The following AGAP1 variants were observed in gnomAD, a reference collection of about 807,000 sequenced individuals.
AGAP1 encodes arf-GAP with GTPase, ANK repeat and PH domain-containing protein 1.
Under a neutral mutation model 105.3 loss-of-function variants are expected in AGAP1, and 29 were observed. The observed-to-expected ratio is 0.28, with a 90% CI of 0.21 to 0.38. The LOEUF is 0.38. AGAP1 is among the 10% of genes least tolerant of loss of function. AGAP1 has a pLI of 1.00. For synonymous variants in AGAP1, 509 were observed against 485.9 expected (o/e 1.05, Z -0.63); for missense variants, 998 against 1,165.1 (o/e 0.86, Z 2.09).
Position 235,789,014 on chromosome 2 carries a change from C to T in AGAP1, c.674-8745C>T, listed in dbSNP as rs950394328. Among the ~76,000 whole-genome samples the T allele has an allele frequency of 2.0e-5, 3 of 152,142 alleles. No individual in the cohort carries two copies. Among genetic ancestry groups the T allele is most frequent in the Non-Finnish European group, 2.9e-5 (2 of 68,018 alleles). On this transcript the variant is annotated intron_variant, in intron 6 of 17. Coordinates refer to ENST00000304032, the MANE Select transcript of AGAP1 (RefSeq NM_001037131.3). This position sits in a 1 kb window ranked among gnomAD's most constrained non-coding sequence, Gnocchi z 4.2. ...ACATTCCTGATTTTTGGCAGCTCGA[C>T]TTTGGGATTAAATGTTAAGGAACTA...
intron 1 of AGAP1, among the ~76,000 whole-genome samples, chr2:235,592,717 G>A (rs1295171900): frequency 2.0e-5 from 3 of 152,164 alleles, no homozygotes; most frequent in African/African-American, 7.2e-5. Flanking sequence ...GCGCATCTTA[G>A]TTATGGTGTC....
intron 1 of AGAP1, among the ~76,000 whole-genome samples, chr2:235,629,863 C>A (rs1011080955): frequency 0.011 from 1,058 of 94,930 alleles, no homozygotes; most frequent in East Asian, 0.023. Flanking sequence ...GACCCTGTCT[C>A]AAAAAAAAAA....
chr2:235,572,178 C>A (rs1315964806), intron 1 of AGAP1, among the ~76,000 whole-genome samples: 1 of 151,656 alleles, frequency 6.6e-6, no homozygotes, highest in Non-Finnish European at 1.5e-5. Flanking sequence ...TACCAGGTGG[C>A]ATTACTGAGA....
intron 9 of AGAP1, among the ~76,000 whole-genome samples, chr2:235,814,631 A>C (rs1958346813): frequency 6.6e-6 from 1 of 152,128 alleles, no homozygotes; most frequent in Non-Finnish European, 1.5e-5. Context: ...CCCCAATGCA[A>C]GTGGACGGGT....
At chr2:235,693,319 CG>C (rs913546318) in intron 1 of AGAP1, among the ~76,000 whole-genome samples, 4 of 152,074 alleles carry the variant, frequency 2.6e-5, no homozygotes, top group African/African-American at 9.7e-5. Flanking sequence ...CAAGTAGGCA[CG>C]GGGGCTGGGC....
At position 235,930,404 on chromosome 2, in the gene AGAP1, T is replaced by TTGCCGGCC. The variant is rs1020622710; in HGVS notation, c.1325-354_1325-347dup. On this transcript the variant is annotated intron_variant, in intron 11 of 17. Transcript: ENST00000304032. The surrounding 1 kb of genome is among the most constrained non-coding windows in gnomAD (Gnocchi z 7.9). ...TGGCCGGGCTCCTGGAGCCCCCATC[T>TTGCCGGCC]TGCCGGCCTGCCGGATCGCGGTGTC... is the stretch of plus-strand genomic sequence containing the variant. 6.6e-6 allele frequency among the ~76,000 whole-genome samples: 1 copy of TTGCCGGCC among 152,226 alleles called. No individual in the cohort carries two copies. Among genetic ancestry groups the TTGCCGGCC allele is most frequent in the South Asian group, 2.1e-4 (1 of 4,832 alleles).
intron 1 of AGAP1, among the ~76,000 whole-genome samples, chr2:235,673,215 A>G (rs533392387): frequency 4.6e-5 from 7 of 152,326 alleles, no homozygotes; most frequent in African/African-American, 1.7e-4. Flanking sequence ...AGGTGTCACA[A>G]CTTCTCATTT....
At position 235,779,488 on chromosome 2, in the gene AGAP1, ATG is replaced by A. The variant is rs555441061; in HGVS notation, c.674-18268_674-18267del. ...GGCTCTTCGAATGCCATATTTGGCT[ATG>A]TGAGAATTTGTCAGAGCTCAGCTCA... On this transcript the variant is annotated intron_variant, in intron 6 of 17. Transcript: ENST00000304032. Among the ~76,000 whole-genome samples, 424 of 152,318 alleles carry A rather than the reference ATG, an allele frequency of 2.8e-3. 2 individuals carry two copies. Among genetic ancestry groups the A allele is most frequent in the Non-Finnish European group, 4.6e-3 (310 of 68,026 alleles).
Position 235,960,898 on chromosome 2 carries a change from G to T in AGAP1, c.1484-7564G>T, listed in dbSNP as rs370777659. On this transcript the variant is annotated intron_variant, in intron 12 of 17. Transcript: ENST00000304032. The surrounding 1 kb of genome is among the most constrained non-coding windows in gnomAD (Gnocchi z 4.9). The stretch of plus-strand genomic sequence containing the variant: ...TAGGACAGTGGTTTGGCACAAAAGC[G>T]TGCTTGTGGCTGGTTTTAAAACTAA... 6.6e-6 allele frequency among the ~76,000 whole-genome samples: 1 copy of T among 152,216 alleles called. No homozygotes were observed. The highest frequency in any genetic ancestry group is 1.5e-5 in the Non-Finnish European group (1 of 68,044).
In AGAP1 at chr2:235,716,144, C is replaced by T. The variant is rs914516866; in HGVS notation, c.223-1413C>T. On this transcript the variant is annotated intron_variant, in intron 2 of 17. Coordinates refer to ENST00000304032, the MANE Select transcript of AGAP1 (RefSeq NM_001037131.3). This position sits in a 1 kb window ranked among gnomAD's most constrained non-coding sequence, Gnocchi z 4.0. ...CAGGGTGTCTCCTGTTAAATGGAAT[C>T]GCAGCTCATTGAGAGAAGGTTGGAT... Among the ~76,000 whole-genome samples, 1 of 152,066 alleles carries T rather than the reference C, an allele frequency of 6.6e-6. No homozygotes were observed. Among genetic ancestry groups the T allele is most frequent in the Non-Finnish European group, 1.5e-5 (1 of 68,034 alleles).
chr2:235,758,762 C>T (rs116751631), intron 6 of AGAP1, among the ~76,000 whole-genome samples: 7,448 of 152,148 alleles, frequency 0.049, 624 homozygotes, highest in African/African-American at 0.17. Context: ...AAACATTCTT[C>T]AAGAGTTAAA....
At chr2:235,702,736 C>T (rs531350695) in intron 1 of AGAP1, among the ~76,000 whole-genome samples, 40 of 152,262 alleles carry the variant, frequency 2.6e-4, no homozygotes, top group Non-Finnish European at 4.7e-4. Flanking sequence ...GCCTCCAGCA[C>T]AGCAGCGAGT....
chr2:236,077,381 C>G (rs766398264), intron 16 of AGAP1, among the ~76,000 whole-genome samples: 1 of 149,712 alleles, frequency 6.7e-6, no homozygotes, highest in African/African-American at 2.5e-5. Context: ...TGCAGTGGCG[C>G]GATCTCAGCT....
At position 235,794,061 on chromosome 2, in the gene AGAP1, C is replaced by T. The variant is rs141062007; in HGVS notation, c.674-3698C>T. Among the ~76,000 whole-genome samples the T allele has an allele frequency of 1.2e-3, 175 of 152,150 alleles. 1 individual carries two copies. The highest frequency in any genetic ancestry group is 4.0e-3 in the African/African-American group (168 of 41,488). On this transcript the variant is annotated intron_variant, in intron 6 of 17. Transcript: ENST00000304032. Reference sequence around the variant, plus strand: ...GGGCCTATTTCTAGACCCCAGAAACCCCTGTGTCCTGTCCCAGGCACCTGC... The same window carrying T: ...GGGCCTATTTCTAGACCCCAGAAACTCCTGTGTCCTGTCCCAGGCACCTGC...
At position 236,042,183 on chromosome 2, in the gene AGAP1, A is replaced by G. The variant is rs139595837; in HGVS notation, c.1891+1342A>G. Among the ~76,000 whole-genome samples the G allele has an allele frequency of 1.1e-4, 17 of 152,300 alleles. No homozygotes were observed. The highest frequency in any genetic ancestry group is 3.9e-4 in the African/African-American group (16 of 41,556). ...ATTTTGAACATACTGGAATAGAGGC[A>G]AAGCAGGGAGGAGGCCAGCCAGGGT... On this transcript the variant is annotated intron_variant, in intron 15 of 17. Transcript: ENST00000304032. This position sits in a 1 kb window ranked among gnomAD's most constrained non-coding sequence, Gnocchi z 5.6.
rs1029388034 is a variant in AGAP1, at chr2:235,951,829, T to G, written c.1484-16633T>G. Among the ~76,000 whole-genome samples, 1 of 152,126 alleles carries G rather than the reference T, an allele frequency of 6.6e-6. No homozygotes were observed. Among genetic ancestry groups the G allele is most frequent in the African/African-American group, 2.4e-5 (1 of 41,418 alleles). On this transcript the variant is annotated intron_variant, in intron 12 of 17. Coordinates refer to ENST00000304032, the MANE Select transcript of AGAP1 (RefSeq NM_001037131.3). The surrounding 1 kb of genome is among the most constrained non-coding windows in gnomAD (Gnocchi z 4.2). The stretch of plus-strand genomic sequence containing the variant: ...AGGCAGTTTTTACACCAGCCAAACT[T>G]AGAGCTTCATAAATGCAGGAAACTG...
In AGAP1 at chr2:235,655,914, G is replaced by C. The variant is rs571045532; in HGVS notation, c.164-53265G>C. On this transcript the variant is annotated intron_variant, in intron 1 of 17. Coordinates refer to ENST00000304032, the MANE Select transcript of AGAP1 (RefSeq NM_001037131.3). The surrounding 1 kb of genome is among the most constrained non-coding windows in gnomAD (Gnocchi z 4.3). ...CTGGGTTTTGTATGGAAAAGGGAGG[G>C]GGCAGTGCAGGATGTGGCAAGGCAG... is the stretch of plus-strand genomic sequence containing the variant. Among the ~76,000 whole-genome samples, 1 of 152,100 alleles carries C rather than the reference G, an allele frequency of 6.6e-6. No homozygotes were observed. The highest frequency in any genetic ancestry group is 1.5e-5 in the Non-Finnish European group (1 of 68,026).
chr2:235,658,581 C>G lies in AGAP1; in HGVS notation c.164-50598C>G, dbSNP rs1947847607. Among the ~76,000 whole-genome samples, 11 of 152,166 alleles carry G rather than the reference C, an allele frequency of 7.2e-5. 1 individual carries two copies. In the South Asian group the frequency reaches 1.9e-3, roughly 26 times the overall value. ...GAGGGTGCTGGGGGCACGTGCCCAGCAGGGGTGGAGGGGTGGACAGGCTCA... is the reference window on the plus strand; with the variant it reads ...GAGGGTGCTGGGGGCACGTGCCCAGGAGGGGTGGAGGGGTGGACAGGCTCA... On this transcript the variant is annotated intron_variant, in intron 1 of 17. Coordinates refer to ENST00000304032, the MANE Select transcript of AGAP1 (RefSeq NM_001037131.3).
intron 1 of AGAP1, among the ~76,000 whole-genome samples, chr2:235,653,279 C>A (rs1289122705): frequency 6.6e-6 from 1 of 151,980 alleles, no homozygotes; most frequent in Non-Finnish European, 1.5e-5. Context: ...TCCTGGCTAT[C>A]ACGGTGAAAC....
Sources: gnomAD v4.1 joint callset for allele counts (sites outside exome capture counted in the v4.1 genomes callset) on GRCh38, gnomAD v4.1.1 for gene constraint, Gnocchi (gnomAD v3.1) non-coding constraint, MANE v1.5 for transcripts, NCBI Gene and HGNC (gene_info 2026-07-23, HGNC 2026-07-21) for gene names.